FAM86B2: variants seen among roughly 807,000 people sequenced by gnomAD.
FAM86B2 encodes family with sequence similarity 86 member B2, also known as putative protein N-methyltransferase FAM86B2.
A neutral mutation model predicts 26.5 loss-of-function variants in FAM86B2; 1 was observed. That is an observed-to-expected ratio of 0.04 (90% CI 0.01 to 0.18). The LOEUF (loss-of-function observed/expected upper bound fraction) is 0.18, where lower values mean the gene tolerates loss of function less well. Ranked by LOEUF, FAM86B2 falls within the 10% of genes least tolerant of loss-of-function variation. The pLI is 1.00. For missense variants in FAM86B2, 43 were observed against 303.5 expected, an observed-to-expected ratio of 0.14 and a Z score of 6.38; for synonymous variants, 11 against 127.8, an observed-to-expected ratio of 0.09 and a Z score of 6.17.
rs1444677773 is a variant in FAM86B2, at chr8:12,435,840, G to A, written c.96+408C>T. ...CAGATGAGAACACTGAGGCACGAGGGACAGCCTGTGACCTGGTCACCACGC... is the reference window on the plus strand; with the variant it reads ...CAGATGAGAACACTGAGGCACGAGGAACAGCCTGTGACCTGGTCACCACGC... On this transcript the variant is annotated intron_variant, in intron 1 of 7. Transcript: ENST00000262365. Among the ~76,000 whole-genome samples the A allele has an allele frequency of 2.9e-5, 4 of 140,100 alleles. 1 individual carries two copies. The highest frequency in any genetic ancestry group is 2.8e-4 in the Admixed American group (4 of 14,434). The allele number at this position is 140,100 out of a possible 152,430, so 91.9% of individuals were successfully genotyped here.
chr8:12,434,928 T>C (rs1471232124), intron 1 of FAM86B2, among the ~76,000 whole-genome samples: 1 of 151,754 alleles, frequency 6.6e-6, no homozygotes, highest in Non-Finnish European at 1.5e-5. Flanking sequence ...AAAGCCACTC[T>C]CATCTGGTCT....
chr8:12,428,304 C>T (rs1424407709), intron 6 of FAM86B2, among the ~76,000 whole-genome samples: 2 of 148,900 alleles, frequency 1.3e-5, no homozygotes. Flanking sequence ...CCAAACAGCA[C>T]CTTCTCTCAA....
intron 6 of FAM86B2, among the ~76,000 whole-genome samples, chr8:12,428,415 G>A (rs4831380): frequency 4.6e-5 from 7 of 152,216 alleles, no homozygotes; most frequent in Admixed American, 2.6e-4. Flanking sequence ...CGACTGTAAC[G>A]GGAGTATGCC....
At chr8:12,426,430 C>T (rs1266366827) in intron 7 of FAM86B2, among the ~76,000 whole-genome samples, 1 of 122,432 alleles carries the variant, frequency 8.2e-6, no homozygotes, top group Non-Finnish European at 1.7e-5. Flanking sequence ...AAAGATATTG[C>T]AGGTTTTTTT....
rs559713749 is a variant in FAM86B2 at position 12,426,251 on chromosome 8, G to A, written c.893-262C>T. On this transcript the variant is annotated intron_variant, in intron 7 of 7. Coordinates refer to ENST00000262365, the MANE Select transcript of FAM86B2 (RefSeq NM_001137610.3). ...TGCGTCTGCCCCAGCACTTGGCACA[G>A]CAGGACAGAAGCAGAGATCTGAACC... Among the ~76,000 whole-genome samples the A allele has an allele frequency of 1.0e-3, 147 of 147,588 alleles. No homozygotes were observed. In the Middle Eastern group the frequency reaches 0.022, roughly 22 times the overall value.
At chr8:12,426,638 G>A (rs1216795770) in intron 7 of FAM86B2, among the ~76,000 whole-genome samples, 7 of 53,072 alleles carry the variant, frequency 1.3e-4, no homozygotes, top group Admixed American at 1.1e-3. Flanking sequence ...GACTACAGGT[G>A]TGTGCAACCA....
intron 1 of FAM86B2, among the ~76,000 whole-genome samples, chr8:12,435,131 T>C (rs2719508): frequency 0.18 from 6,896 of 38,422 alleles, 385 homozygotes; most frequent in East Asian, 0.59. Flanking sequence ...TTGTACTCAA[T>C]GCTGAGAACA....
At chr8:12,428,209 G>A (rs1402369579) in intron 6 of FAM86B2, among the ~76,000 whole-genome samples, 1 of 137,302 alleles carries the variant, frequency 7.3e-6, no homozygotes, top group Non-Finnish European at 1.6e-5. Flanking sequence ...TTCAGGGCTG[G>A]GACCCAGGAC....
rs868747598 is a variant in FAM86B2 at position 12,431,531 on chromosome 8, A to T, written c.240+551T>A. ...CATAGTGAGACTCTGTCTCAAAAAA[A>T]ATATATAAATAAATAAATAAATAAA... On this transcript the variant is annotated intron_variant, in intron 3 of 7. Coordinates refer to ENST00000262365, the MANE Select transcript of FAM86B2 (RefSeq NM_001137610.3). 9.6e-4 allele frequency among the ~76,000 whole-genome samples: 71 copies of T among 74,190 alleles called. 3 individuals are homozygous for T. In the South Asian group the frequency reaches 0.018, roughly 19 times the overall value. 48.7% of individuals were successfully genotyped at this position (74,190 alleles called of 152,430 possible).
chr8:12,428,431 C>G lies in FAM86B2; in HGVS notation c.742+202G>C, dbSNP rs561999956. 8.5e-5 allele frequency among the ~76,000 whole-genome samples: 13 copies of G among 152,218 alleles called. No individual in the cohort carries two copies. The East Asian group carries it at 2.5e-3, about 29-fold the overall frequency. On this transcript the variant is annotated intron_variant, in intron 6 of 7. Transcript: ENST00000262365. The stretch of plus-strand genomic sequence containing the variant: ...GACTGTAACGGGAGTATGCCTGTCT[C>G]CAACAACAGGGCTGTGGCTTGAAGG...
chr8:12,435,657 G>A (rs1289604628), intron 1 of FAM86B2, among the ~76,000 whole-genome samples: 2 of 139,304 alleles, frequency 1.4e-5, no homozygotes, highest in Non-Finnish European at 3.2e-5. Flanking sequence ...GGTGCATTAA[G>A]CCCCTCTGCT....
chr8:12,435,979 A>T (rs1227738443), intron 1 of FAM86B2, among the ~76,000 whole-genome samples: 1 of 151,644 alleles, frequency 6.6e-6, no homozygotes, highest in Non-Finnish European at 1.5e-5. Context: ...CGTGAAAATG[A>T]TCGTGAACCG....
At chr8:12,426,378 G>T (rs1395352888) in intron 7 of FAM86B2, among the ~76,000 whole-genome samples, 1 of 145,570 alleles carries the variant, frequency 6.9e-6, no homozygotes, top group Non-Finnish European at 1.5e-5. Context: ...GTTGGTTGAG[G>T]CTTATACTAT....
At position 12,435,982 on chromosome 8, in the gene FAM86B2, G is replaced by T. The variant is rs1278724416; in HGVS notation, c.96+266C>A. On this transcript the variant is annotated intron_variant, in intron 1 of 7. Coordinates refer to ENST00000262365, the MANE Select transcript of FAM86B2 (RefSeq NM_001137610.3). ...CCTTTAAAAAGTCGTGAAAATGATC[G>T]TGAACCGTACCCCACACCGAGCGCG... 1.3e-3 allele frequency among the ~76,000 whole-genome samples: 191 copies of T among 151,314 alleles called. 2 individuals are homozygous for T. The highest frequency in any genetic ancestry group is 4.5e-3 in the African/African-American group (183 of 40,712).
intron 1 of FAM86B2, among the ~76,000 whole-genome samples, chr8:12,435,664 T>A (rs1464184098): frequency 7.2e-6 from 1 of 139,604 alleles, no homozygotes; most frequent in Admixed American, 7.0e-5. Flanking sequence ...TAAGCCCCTC[T>A]GCTGGCAGAA....
chr8:12,434,902 C>T (rs1356773080), intron 1 of FAM86B2, among the ~76,000 whole-genome samples: 4 of 151,582 alleles, frequency 2.6e-5, no homozygotes, highest in African/African-American at 9.8e-5. Context: ...CACCATTTCC[C>T]TGTTTTATTG....
chr8:12,426,389 G>A (rs1330430731), intron 7 of FAM86B2, among the ~76,000 whole-genome samples: 1 of 144,078 alleles, frequency 6.9e-6, no homozygotes, highest in Non-Finnish European at 1.5e-5. Flanking sequence ...CTTATACTAT[G>A]TGTGCTGCTT....
intron 2 of FAM86B2, among the ~76,000 whole-genome samples, chr8:12,433,815 TC>T (rs1798414074): frequency 7.3e-6 from 1 of 136,100 alleles, no homozygotes; most frequent in Non-Finnish European, 1.6e-5. Context: ...TCCCTAGATT[TC>T]CCCCCTCTTG....
chr8:12,433,902 G>C (rs1798421642), intron 2 of FAM86B2, 150 bp downstream of exon 2: 1 of 437,786 alleles, frequency 2.3e-6, no homozygotes, highest in African/African-American at 2.1e-5. Context: ...CGGAGGTGCT[G>C]ACACCCTTCT....
Sources: gnomAD v4.1 joint callset for allele counts (sites outside exome capture counted in the v4.1 genomes callset) on GRCh38, gnomAD v4.1.1 for gene constraint, MANE v1.5 for transcripts, NCBI Gene and HGNC (gene_info 2026-07-23, HGNC 2026-07-21) for gene names.